Variants in GPHN observed in about 807,000 individuals in gnomAD.
GPHN encodes gephyrin.
Under a neutral mutation model 95.5 loss-of-function variants are expected in GPHN, and 17 were observed. That is an observed-to-expected ratio of 0.18 (90% CI 0.12 to 0.27). The LOEUF is 0.27. Among genes scored for constraint, GPHN ranks in the 10% least tolerant of loss-of-function variants. The probability of loss-of-function intolerance (pLI) is 1.00; values close to 1 mark genes in which losing one functional copy is unlikely to be tolerated. For missense variants in GPHN, 660 were observed against 978.1 expected, an observed-to-expected ratio of 0.67 and a Z score of 4.34; for synonymous variants, 320 against 322.5, an observed-to-expected ratio of 0.99 and a Z score of 0.08.
At chr14:67,453,984 T>C in the GPHN span, 5 of 152,180 alleles carry the variant, frequency 3.3e-5, no homozygotes, top group African/African-American at 4.8e-5. Flanking sequence ...AGTCCTTAGG[T>C]TAGCACCAGC....
intron 5 of GPHN, among the ~76,000 whole-genome samples, chr14:66,901,036 T>A (rs2065104972): frequency 6.6e-6 from 1 of 152,040 alleles, no homozygotes; most frequent in Non-Finnish European, 1.5e-5. Flanking sequence ...GTTTTCCAAA[T>A]CCTTACCAGC....
chr14:66,641,185 C>A (rs749469036), intron 1 of GPHN, among the ~76,000 whole-genome samples: 3 of 152,094 alleles, frequency 2.0e-5, no homozygotes, highest in Admixed American at 6.6e-5. Flanking sequence ...TTTGACGTAA[C>A]GGTGGTGCAA....
chr14:67,312,005 G>A, the GPHN span: 7 of 152,750 alleles, frequency 4.6e-5, no homozygotes, highest in Non-Finnish European at 8.8e-5. Context: ...ATGAAGAGAT[G>A]TGGTAAGGTA....
intron 12 of GPHN, 67 bp downstream of exon 12, chr14:67,089,142 T>TTTTTTTTTG: frequency 2.1e-6 from 1 of 477,540 alleles, no homozygotes; most frequent in Non-Finnish European, 3.7e-6. Context: ...TCTTTTTTTT[T>TTTTTTTTTG]TTTTTTTTTT....
intron 2 of GPHN, among the ~76,000 whole-genome samples, chr14:66,751,380 A>T (rs1156266633): frequency 1.3e-5 from 2 of 152,018 alleles, no homozygotes; most frequent in Admixed American, 6.6e-5. Context: ...TTTAATAGCC[A>T]TTCTGATGGC....
the GPHN span, chr14:67,729,380 GGT>G: frequency 1.3e-6 from 2 of 1,597,302 alleles, no homozygotes; most frequent in Admixed American, 3.3e-5. Flanking sequence ...AAGTACTTCA[GGT>G]GTGTGAAGGC....
Position 66,778,704 on chromosome 14 carries a change from C to T in GPHN, c.201+2183C>T, listed in dbSNP as rs140679375. ...TTCAATTCAAAATAATTATTTAATT[C>T]TATGACTCAAGACTCAAGGGGCTTT... On this transcript the variant is annotated intron_variant, in intron 3 of 22. Coordinates refer to ENST00000478722, the MANE Select transcript of GPHN (RefSeq NM_020806.5). Among the ~76,000 whole-genome samples, 420 of 116,066 alleles carry T rather than the reference C, an allele frequency of 3.6e-3. 3 individuals carry two copies. Among genetic ancestry groups the T allele is most frequent in the African/African-American group, 0.013 (404 of 31,134 alleles). 76.1% of individuals were successfully genotyped at this position (116,066 alleles called of 152,430 possible). A position where few individuals can be genotyped will look rare whatever the true frequency, so the allele number is the denominator to read the frequency against.
chr14:67,572,401 G>C, the GPHN span: 1 of 666,398 alleles, frequency 1.5e-6, no homozygotes, highest in Non-Finnish European at 2.4e-6. Context: ...GGGGGATGGG[G>C]GCAGGGGGCG....
intron 9 of GPHN, among the ~76,000 whole-genome samples, chr14:66,967,851 G>A (rs1474196534): frequency 1.3e-5 from 2 of 151,814 alleles, no homozygotes; most frequent in East Asian, 1.9e-4. Context: ...CATTTCACCA[G>A]GGGCGTGAAG....
At chr14:67,579,606 G>A in the GPHN span, 10 of 1,027,406 alleles carry the variant, frequency 9.7e-6, no homozygotes, top group African/African-American at 1.6e-4. Context: ...ACTTGCTTTG[G>A]CCTTTTGTAT....
chr14:66,865,966 G>A (rs2063206747), intron 4 of GPHN, among the ~76,000 whole-genome samples: 2 of 152,258 alleles, frequency 1.3e-5, no homozygotes, highest in South Asian at 4.1e-4. Flanking sequence ...TAAATGTGCA[G>A]TCTCAGTAGT....
rs57643224 is a variant in GPHN, at chr14:67,101,849, ATTATTTAT to A, written c.1293+969_1293+976del. On this transcript the variant is annotated intron_variant, in intron 13 of 22. Coordinates refer to ENST00000478722, the MANE Select transcript of GPHN (RefSeq NM_020806.5). ...AATAACATATATCATTGGTTTATGT[ATTATTTAT>A]TTATTTATTTATTTATTTATTTATT... Among the ~76,000 whole-genome samples, 1,021 of 145,554 alleles carry A rather than the reference ATTATTTAT, an allele frequency of 7.0e-3. 12 individuals are homozygous for A. Among genetic ancestry groups the A allele is most frequent in the African/African-American group, 0.014 (558 of 39,404 alleles).
At chr14:67,204,454 C>T in the GPHN span, 2 of 1,399,486 alleles carry the variant, frequency 1.4e-6, no homozygotes, top group African/African-American at 2.9e-5. Context: ...AACAAACAAA[C>T]AAATATATAT....
intron 1 of GPHN, chr14:66,508,923 G>A (rs1392270169): frequency 1.8e-5 from 7 of 380,658 alleles, no homozygotes; most frequent in Admixed American, 1.1e-4. Context: ...GCGGGATCCC[G>A]GCTCCGCAGT....
the GPHN span, among the ~76,000 whole-genome samples, chr14:67,531,745 T>TG: frequency 9.1e-6 from 1 of 110,116 alleles, no homozygotes; most frequent in African/African-American, 3.2e-5. Context: ...AAAAAAAAAA[T>TG]TTTTTTTTTT....
At chr14:67,722,717 C>A in the GPHN span, 1 of 1,611,278 alleles carries the variant, frequency 6.2e-7, no homozygotes, top group African/African-American at 1.3e-5. Context: ...TCAGGTTTGT[C>A]TTAATTCAGC....
chr14:67,708,160 T>C, the GPHN span, among the ~76,000 whole-genome samples: 1 of 152,206 alleles, frequency 6.6e-6, no homozygotes, highest in African/African-American at 2.4e-5. Context: ...CATGGGAGTA[T>C]ACTTTAGTCA....
chr14:67,579,149 G>A, the GPHN span: 1 of 1,606,936 alleles, frequency 6.2e-7, no homozygotes, highest in Admixed American at 1.7e-5. Flanking sequence ...AAACTGGCCA[G>A]TATGCCACCT....
rs994077210 is a variant in GPHN at position 67,024,221 on chromosome 14, G to C, written c.1006+546G>C. Among the ~76,000 whole-genome samples, 6 of 152,082 alleles carry C rather than the reference G, an allele frequency of 3.9e-5. No individual in the cohort carries two copies. In the East Asian group the frequency reaches 1.2e-3, roughly 29 times the overall value. ...ATTAACTCAGGAGTCATTTAACTCT[G>C]TATATCATTCATTTTTCTGTCTTAT... On this transcript the variant is annotated intron_variant, in intron 10 of 22. Transcript: ENST00000478722.
Sources: allele counts gnomAD v4.1 joint callset (sites outside exome capture counted in the v4.1 genomes callset), GRCh38; gene constraint gnomAD v4.1.1; transcripts MANE v1.5; gene names NCBI Gene and HGNC (gene_info 2026-07-23, HGNC 2026-07-21).